The following HPSE2 variants were observed in gnomAD, a reference collection of about 807,000 sequenced individuals.
The protein encoded by HPSE2 is inactive heparanase-2.
A neutral mutation model predicts 60.5 loss-of-function variants in HPSE2; 38 were observed. The ratio of observed to expected loss-of-function variants is 0.63; its 90% confidence interval spans 0.48 to 0.82. The LOEUF is 0.82. Ranked by LOEUF, HPSE2 falls within the 40% of genes least tolerant of loss-of-function variation. The pLI, the probability that HPSE2 is intolerant of heterozygous loss-of-function variation, is 0.00. For synonymous variants in HPSE2, 295 were observed against 293.2 expected (o/e 1.01, Z -0.06); for missense variants, 713 against 740.4 (o/e 0.96, Z 0.43).
chr10:98,959,965 C>A (rs1008768188), intron 3 of HPSE2, among the ~76,000 whole-genome samples: 1 of 152,090 alleles, frequency 6.6e-6, no homozygotes, highest in Non-Finnish European at 1.5e-5. Flanking sequence ...CAGGAATATC[C>A]TTGCCTCAGA....
intron 6 of HPSE2, among the ~76,000 whole-genome samples, chr10:98,645,433 C>T (rs1946742012): frequency 6.6e-6 from 1 of 152,094 alleles, no homozygotes; most frequent in Non-Finnish European, 1.5e-5. Flanking sequence ...TAAAATATGG[C>T]CCTGGGCATT....
At chr10:98,938,299 G>C (rs955826310) in intron 3 of HPSE2, among the ~76,000 whole-genome samples, 2 of 144,502 alleles carry the variant, frequency 1.4e-5, no homozygotes, top group South Asian at 2.1e-4. Context: ...CCGAGCTACA[G>C]GAGGAAATTC....
At chr10:98,592,268 A>G (rs1252911581) in intron 9 of HPSE2, among the ~76,000 whole-genome samples, 1 of 152,206 alleles carries the variant, frequency 6.6e-6, no homozygotes, top group Non-Finnish European at 1.5e-5. Context: ...AATGGGTATG[A>G]TTTCATATTC....
At chr10:98,876,394 C>G (rs1055328351) in intron 3 of HPSE2, among the ~76,000 whole-genome samples, 1 of 151,746 alleles carries the variant, frequency 6.6e-6, no homozygotes, top group Non-Finnish European at 1.5e-5. Flanking sequence ...GCAGCGCCTT[C>G]CAAATCAAAT....
the HPSE2 span, among the ~76,000 whole-genome samples, chr10:99,282,670 C>T: frequency 6.6e-6 from 1 of 151,862 alleles, no homozygotes; most frequent in South Asian, 2.1e-4. Context: ...TTTCCAATCA[C>T]AATAGAAAGA....
chr10:98,643,766 T>G (rs113558186), intron 6 of HPSE2, among the ~76,000 whole-genome samples: 1 of 151,800 alleles, frequency 6.6e-6, no homozygotes, highest in Non-Finnish European at 1.5e-5. Context: ...TGAGACAGAG[T>G]AGTGTTAAAA....
intron 2 of HPSE2, among the ~76,000 whole-genome samples, chr10:99,208,942 T>C (rs1163051241): frequency 1.3e-5 from 2 of 152,180 alleles, no homozygotes; most frequent in Non-Finnish European, 2.9e-5. Flanking sequence ...GATTAATTAA[T>C]GAACATATAA....
Position 98,567,682 on chromosome 10 carries a change from G to A in HPSE2, c.1320+47222C>T, listed in dbSNP as rs560931972. On this transcript the variant is annotated intron_variant, in intron 9 of 11. Transcript: ENST00000370552. ...AGGGAAAAGTCAGACCAGCTGATAC[G>A]GGAGAAAAGAGGAATCAATGGTGAT... is the stretch of plus-strand genomic sequence containing the variant. Among the ~76,000 whole-genome samples, 5 of 152,224 alleles carry A rather than the reference G, an allele frequency of 3.3e-5. No individual in the cohort carries two copies. The South Asian group carries it at 8.3e-4, about 25-fold the overall frequency.
chr10:98,886,376 G>A (rs544997648), intron 3 of HPSE2, among the ~76,000 whole-genome samples: 1 of 152,206 alleles, frequency 6.6e-6, no homozygotes, highest in Admixed American at 6.6e-5. Flanking sequence ...AAATGTAATT[G>A]CACTACTTTC....
intron 3 of HPSE2, among the ~76,000 whole-genome samples, chr10:98,781,306 T>TTTTTTG (rs66481971): frequency 2.7e-4 from 33 of 120,082 alleles, no homozygotes; most frequent in African/African-American, 5.1e-4. Flanking sequence ...TTTTTTTTTT[T>TTTTTTG]ATTTTTAAAT....
intron 3 of HPSE2, among the ~76,000 whole-genome samples, chr10:98,996,636 C>T (rs1477181399): frequency 8.5e-5 from 13 of 152,112 alleles, no homozygotes; most frequent in East Asian, 7.7e-4. Flanking sequence ...AAAAGGTTAA[C>T]GGATAAACTG....
intron 9 of HPSE2, among the ~76,000 whole-genome samples, chr10:98,565,601 T>A (rs1487987365): frequency 1.3e-5 from 2 of 152,190 alleles, no homozygotes; most frequent in Non-Finnish European, 2.9e-5. Flanking sequence ...GTTGATGCCA[T>A]GTCTTTGTTA....
the HPSE2 span, among the ~76,000 whole-genome samples, chr10:99,290,320 C>T: frequency 6.6e-6 from 1 of 152,180 alleles, no homozygotes; most frequent in South Asian, 2.1e-4. Flanking sequence ...ATCTCTGTGT[C>T]CCTAGTACCC....
chr10:99,088,342 C>T (rs917792284), intron 3 of HPSE2, among the ~76,000 whole-genome samples: 8 of 152,110 alleles, frequency 5.3e-5, no homozygotes, highest in African/African-American at 1.9e-4. Context: ...AATGTGTAGT[C>T]TTTTACCCTT....
chr10:98,721,840 G>A lies in HPSE2; in HGVS notation c.785-12C>T. On this transcript the variant is annotated splice_polypyrimidine_tract_variant and intron_variant, in intron 4 of 11. Transcript: ENST00000370552. Reference sequence around the variant, plus strand: ...ATAGTTATTTGGCTCTAGATTAAAAGCAGACATGTAAGTCAGAATGAGAAG... The same window carrying A: ...ATAGTTATTTGGCTCTAGATTAAAAACAGACATGTAAGTCAGAATGAGAAG... 2 of 1,612,038 alleles carry A rather than the reference G, an allele frequency of 1.2e-6. No homozygotes were observed. Among genetic ancestry groups the A allele is most frequent in the Non-Finnish European group, 1.7e-6 (2 of 1,178,884 alleles).
chr10:99,024,491 G>A (rs768154006), intron 3 of HPSE2, among the ~76,000 whole-genome samples: 5 of 152,016 alleles, frequency 3.3e-5, no homozygotes, highest in Admixed American at 2.6e-4. Context: ...AAGTGATAGG[G>A]GTAGGAAGTT....
intron 9 of HPSE2, among the ~76,000 whole-genome samples, chr10:98,527,279 T>C (rs376627670): frequency 6.6e-6 from 1 of 152,166 alleles, no homozygotes; most frequent in African/African-American, 2.4e-5. Flanking sequence ...TCCAATTATA[T>C]CAGTTCCTTG....
chr10:99,002,942 C>A (rs1057191357), intron 3 of HPSE2, among the ~76,000 whole-genome samples: 1 of 151,880 alleles, frequency 6.6e-6, no homozygotes, highest in Admixed American at 6.6e-5. Context: ...TACAGTTAAC[C>A]ATGTTGTACA....
At chr10:99,208,677 C>A (rs1321884492) in intron 2 of HPSE2, among the ~76,000 whole-genome samples, 1 of 138,046 alleles carries the variant, frequency 7.2e-6, no homozygotes, top group African/African-American at 2.5e-5. Flanking sequence ...AGAGTGAGAT[C>A]CAGTCTCAAA....
Sources: allele counts gnomAD v4.1 joint callset (sites outside exome capture counted in the v4.1 genomes callset), GRCh38; gene constraint gnomAD v4.1.1; transcripts MANE v1.5; gene names NCBI Gene and HGNC (gene_info 2026-07-23, HGNC 2026-07-21).